ZFAND2A: variants seen among roughly 807,000 people sequenced by gnomAD.
ZFAND2A encodes AN1-type zinc finger protein 2A.
ZFAND2A carries 20 observed loss-of-function variants against 11.6 expected under a neutral mutation model. That is an observed-to-expected ratio of 1.72 (90% CI 1.21 to 2.50). ZFAND2A has a LOEUF of 2.50. Among genes scored for constraint, ZFAND2A ranks in the 30% most tolerant of loss-of-function variants. ZFAND2A has a pLI of 0.00. For synonymous variants in ZFAND2A, 93 were observed against 60.6 expected (o/e 1.54, Z -2.48); for missense variants, 234 against 182.9 (o/e 1.28, Z -1.61).
intron 3 of ZFAND2A, among the ~76,000 whole-genome samples, chr7:1,156,247 A>T (rs62431995): frequency 3.7e-4 from 3 of 8,128 alleles, no homozygotes; most frequent in South Asian, 5.1e-3. Flanking sequence ...AGGCCCAGCA[A>T]GGCTAAAAAC....
downstream of ZFAND2A, chr7:1,152,200 C>T (rs146221067): frequency 1.3e-6 from 2 of 1,523,520 alleles, no homozygotes. Context: ...GTTCACCAAC[C>T]AAGAGCTGCA....
intron 4 of ZFAND2A, among the ~76,000 whole-genome samples, chr7:1,154,067 G>A (rs906310147): frequency 6.6e-6 from 1 of 152,166 alleles, no homozygotes; most frequent in Non-Finnish European, 1.5e-5. Flanking sequence ...GGGAGGGAAG[G>A]AGGCCAAGCA....
intron 1 of ZFAND2A, among the ~76,000 whole-genome samples, chr7:1,158,579 T>C (rs1793588993): frequency 6.6e-6 from 1 of 152,184 alleles, no homozygotes; most frequent in Non-Finnish European, 1.5e-5. Flanking sequence ...AAGTCACAAT[T>C]TTATCCATGG....
intron 4 of ZFAND2A, among the ~76,000 whole-genome samples, chr7:1,153,938 C>A (rs1015623845): frequency 3.3e-5 from 5 of 151,754 alleles, no homozygotes; most frequent in African/African-American, 1.2e-4. Context: ...AAGAGTTCGT[C>A]CCTTTAAAAA....
chr7:1,156,061 C>G (rs556960472), intron 3 of ZFAND2A, among the ~76,000 whole-genome samples: 2 of 152,228 alleles, frequency 1.3e-5, no homozygotes, highest in Non-Finnish European at 2.9e-5. Context: ...CAGGTACTAA[C>G]GACCGTCACT....
At chr7:1,151,070 T>C (rs143014612), downstream of ZFAND2A, among the ~76,000 whole-genome samples, 883 of 152,192 alleles carry the variant, frequency 5.8e-3, 6 homozygotes, top group African/African-American at 0.02. Context: ...TTTGTTTTAG[T>C]AGACATGGGG....
At chr7:1,155,789 T>C (rs905900443) in intron 3 of ZFAND2A, 1 of 499,566 alleles carries the variant, frequency 2.0e-6, no homozygotes, top group Non-Finnish European at 3.3e-6. Context: ...CCCTGAGGAG[T>C]CTAGTGAAGT....
At chr7:1,159,338 G>A (rs529694765) in intron 1 of ZFAND2A, among the ~76,000 whole-genome samples, 4 of 152,332 alleles carry the variant, frequency 2.6e-5, no homozygotes, top group Non-Finnish European at 5.9e-5. Flanking sequence ...GGCGGGCCGG[G>A]CCCGCAGCAA....
At chr7:1,158,665 G>C (rs982091111) in intron 1 of ZFAND2A, among the ~76,000 whole-genome samples, 2 of 149,946 alleles carry the variant, frequency 1.3e-5, no homozygotes, top group African/African-American at 4.9e-5. Context: ...ATCCAGAGAA[G>C]ATTTAACTCT....
intron 3 of ZFAND2A, chr7:1,157,103 C>G (rs577030767): frequency 9.7e-6 from 1 of 103,474 alleles, no homozygotes; most frequent in Non-Finnish European, 2.4e-5. Flanking sequence ...TGGGAACCAT[C>G]TGAAAAGTCA....
At chr7:1,153,400 C>T (rs145553500) in intron 4 of ZFAND2A, among the ~76,000 whole-genome samples, 176 bp from the exon 5 acceptor site, 1 of 152,186 alleles carries the variant, frequency 6.6e-6, no homozygotes, top group East Asian at 1.9e-4. Context: ...CACACCGCCA[C>T]GTCCAGCTAA....
At chr7:1,153,649 TAAG>T (rs1156492597) in intron 4 of ZFAND2A, among the ~76,000 whole-genome samples, 2 of 152,148 alleles carry the variant, frequency 1.3e-5, no homozygotes, top group Non-Finnish European at 2.9e-5. Flanking sequence ...TCAGTGCAGG[TAAG>T]AAGAACATGG....
At chr7:1,156,815 C>A (rs1446709769) in intron 3 of ZFAND2A, among the ~76,000 whole-genome samples, 1 of 152,234 alleles carries the variant, frequency 6.6e-6, no homozygotes, top group Non-Finnish European at 1.5e-5. Flanking sequence ...AGTAAACGGT[C>A]TCCAGCCAGA....
intron 1 of ZFAND2A, among the ~76,000 whole-genome samples, chr7:1,158,792 A>C (rs1359911657): frequency 1.4e-4 from 22 of 152,178 alleles, no homozygotes; most frequent in Admixed American, 1.4e-3. Flanking sequence ...GTCACTATGG[A>C]AAACAGGCAG....
At chr7:1,155,187 T>C (rs1793493268) in intron 4 of ZFAND2A, among the ~76,000 whole-genome samples, 1 of 152,106 alleles carries the variant, frequency 6.6e-6, no homozygotes, top group African/African-American at 2.4e-5. Context: ...TAGAAAGCCA[T>C]GTGAATTCTC....
chr7:1,150,885 GCC>G (rs1252305393), downstream of ZFAND2A, among the ~76,000 whole-genome samples: 2,445 of 132,994 alleles, frequency 0.018, 89 homozygotes, highest in East Asian at 0.17. Context: ...TGACAACTGT[GCC>G]TTTTTTTTTT....
Position 1,153,152 on chromosome 7 carries a change from G to A in ZFAND2A, c.355C>T (p.His119Tyr), listed in dbSNP as rs1370527678. ...CTGTGCTGGATACAGAAGTTGCCGT[G>A]ACATTGGGCACATACCATCTGCAGC... ...EMLQMVCAQC[H>Y]GNFCIQHRHP... Residue 119 changes from histidine to tyrosine, a missense_variant, in exon 5 of 5, where the codon CAC (histidine) becomes TAC (tyrosine). Transcript: ENST00000316495. 1 of 1,614,214 alleles carries A rather than the reference G, an allele frequency of 6.2e-7. No homozygotes were observed. The highest frequency in any genetic ancestry group is 8.5e-7 in the Non-Finnish European group (1 of 1,180,042).
intron 1 of ZFAND2A, among the ~76,000 whole-genome samples, chr7:1,158,707 C>T (rs1353983258): frequency 6.6e-6 from 1 of 152,220 alleles, no homozygotes; most frequent in Non-Finnish European, 1.5e-5. Flanking sequence ...CTCCCTTAGG[C>T]ATTGAATCTT....
At chr7:1,155,663 G>A in intron 3 of ZFAND2A, 79 bp from the exon 4 acceptor site, 1 of 1,543,446 alleles carries the variant, frequency 6.5e-7, no homozygotes, top group Non-Finnish European at 8.8e-7. Flanking sequence ...GTACTCCTGT[G>A]CGGCACACTT....
Sources: allele counts gnomAD v4.1 joint callset (sites outside exome capture counted in the v4.1 genomes callset), GRCh38; gene constraint gnomAD v4.1.1; transcripts MANE v1.5; gene names NCBI Gene and HGNC (gene_info 2026-07-23, HGNC 2026-07-21).